SDK2: variants seen among roughly 807,000 people sequenced by gnomAD.
SDK2 encodes protein sidekick-2.
Under a neutral mutation model 253.9 loss-of-function variants are expected in SDK2, and 105 were observed. The ratio of observed to expected loss-of-function variants is 0.41; its 90% CI spans 0.35 to 0.49. The LOEUF (loss-of-function observed/expected upper bound fraction) is 0.49, where lower values mean the gene tolerates loss of function less well. SDK2 is among the 20% of genes least tolerant of loss of function. The probability of loss-of-function intolerance (pLI) is 0.06; values close to 1 mark genes in which losing one functional copy is unlikely to be tolerated. For missense variants in SDK2, 2,608 were observed against 3,003.0 expected, an observed-to-expected ratio of 0.87 and a Z score of 3.07; for synonymous variants, 1,249 against 1,234.9, an observed-to-expected ratio of 1.01 and a Z score of -0.24.
chr17:73,441,029 A>G (rs761106037), intron 5 of SDK2, 106 bp from the exon 6 acceptor site: 12 of 831,378 alleles, frequency 1.4e-5, no homozygotes, highest in Non-Finnish European at 2.3e-5. Context: ...TACCGAGTGG[A>G]GCAGGTGGCC....
chr17:73,380,548 G>C (rs2062821568), intron 34 of SDK2, among the ~76,000 whole-genome samples: 1 of 152,150 alleles, frequency 6.6e-6, no homozygotes, highest in African/African-American at 2.4e-5. Context: ...GGGACTAGAT[G>C]GGGCAGCAAC....
At position 73,596,461 on chromosome 17, in the gene SDK2, A is replaced by T. The variant is rs150412186; in HGVS notation, c.64+47564T>A. ...CATAATGGGTTTGTGTGAATGTACG[A>T]AAACTCCTATCAGTGCATTTTACTT... On this transcript the variant is annotated intron_variant, in intron 1 of 44. Coordinates refer to ENST00000392650, the MANE Select transcript of SDK2 (RefSeq NM_001144952.2). Among the ~76,000 whole-genome samples the T allele has an allele frequency of 3.8e-3, 583 of 152,306 alleles. 7 individuals are homozygous for T. The highest frequency in any genetic ancestry group is 0.022 in the South Asian group (104 of 4,826).
rs57808363 is a variant in SDK2 at position 73,564,833 on chromosome 17, AC to A, written c.65-57237del. 6.6e-3 allele frequency among the ~76,000 whole-genome samples: 658 copies of A among 99,772 alleles called. 5 individuals carry two copies. Among genetic ancestry groups the A allele is most frequent in the African/African-American group, 0.025 (601 of 24,054 alleles). 65.5% of individuals were successfully genotyped at this position (99,772 alleles called of 152,430 possible). A position where few individuals can be genotyped will look rare whatever the true frequency, so the allele number is the denominator to read the frequency against. On this transcript the variant is annotated intron_variant, in intron 1 of 44. Coordinates refer to ENST00000392650, the MANE Select transcript of SDK2 (RefSeq NM_001144952.2). ...GAGAGAGACTCTGTCTGAAAAAAAA[AC>A]AAAAAACAAAAACAAACCCAAAACA...
chr17:73,522,304 G>A lies in SDK2; in HGVS notation c.65-14707C>T, dbSNP rs529992725. On this transcript the variant is annotated intron_variant, in intron 1 of 44. Coordinates refer to ENST00000392650, the MANE Select transcript of SDK2 (RefSeq NM_001144952.2). Reference sequence around the variant, plus strand: ...CCTGCCCCAGGCTGCAGCCACCTCTGCTGCCCACCTCATCCTGGCCTGGCT... The same window carrying A: ...CCTGCCCCAGGCTGCAGCCACCTCTACTGCCCACCTCATCCTGGCCTGGCT... 7.1e-4 allele frequency among the ~76,000 whole-genome samples: 108 copies of A among 152,346 alleles called. 1 individual carries two copies. Among genetic ancestry groups the A allele is most frequent in the South Asian group, 2.5e-3 (12 of 4,828 alleles).
chr17:73,348,964 A>T (rs1193428175), intron 43 of SDK2, among the ~76,000 whole-genome samples: 1 of 152,186 alleles, frequency 6.6e-6, no homozygotes, highest in Admixed American at 6.5e-5. Flanking sequence ...GGGTGAATGT[A>T]GGGGGGATGT....
At chr17:73,613,208 C>G (rs1359835384) in intron 1 of SDK2, among the ~76,000 whole-genome samples, 1 of 152,172 alleles carries the variant, frequency 6.6e-6, no homozygotes, top group Admixed American at 6.5e-5. Context: ...TGAAAAAGAT[C>G]TCCATAATCC....
At chr17:73,367,452 G>GC (rs1450399640) in intron 37 of SDK2, among the ~76,000 whole-genome samples, 1 of 151,142 alleles carries the variant, frequency 6.6e-6, no homozygotes, top group Non-Finnish European at 1.5e-5. Flanking sequence ...TCTGCCTGGA[G>GC]CCCCCAGCAC....
chr17:73,575,803 C>T (rs766479016), intron 1 of SDK2, among the ~76,000 whole-genome samples: 12 of 152,174 alleles, frequency 7.9e-5, no homozygotes, highest in Non-Finnish European at 1.2e-4. Flanking sequence ...AACGCAGCAG[C>T]GCTAGGGCTA....
At chr17:73,402,358 A>C (rs930180909) in intron 18 of SDK2, among the ~76,000 whole-genome samples, 1 of 152,232 alleles carries the variant, frequency 6.6e-6, no homozygotes, top group African/African-American at 2.4e-5. Context: ...GACTTTATGC[A>C]AAGCACCGTG....
At position 73,577,482 on chromosome 17, in the gene SDK2, G is replaced by A. The variant is rs190280112; in HGVS notation, c.64+66543C>T. ...AGTGGGGGAGAGAGGGTCCCCAGCT[G>A]GTGTGGAGAGTGGAGGGCAATAGTT... On this transcript the variant is annotated intron_variant, in intron 1 of 44. Coordinates refer to ENST00000392650, the MANE Select transcript of SDK2 (RefSeq NM_001144952.2). Among the ~76,000 whole-genome samples the A allele has an allele frequency of 2.2e-4, 34 of 152,322 alleles. No individual in the cohort carries two copies. The East Asian group carries it at 6.6e-3, about 29-fold the overall frequency.
At chr17:73,498,402 C>T (rs1014963717) in intron 2 of SDK2, among the ~76,000 whole-genome samples, 17 of 152,258 alleles carry the variant, frequency 1.1e-4, no homozygotes, top group African/African-American at 3.9e-4. Flanking sequence ...GTGAGCACCT[C>T]TAGCTCCAGT....
At chr17:73,389,651 G>A (rs546245888) in intron 29 of SDK2, among the ~76,000 whole-genome samples, 15 of 152,304 alleles carry the variant, frequency 9.8e-5, no homozygotes, top group South Asian at 6.2e-4. Flanking sequence ...AGTGGCAGCC[G>A]GGGCTCCAGG....
rs759490511 is a variant in SDK2, at chr17:73,338,952, G to C, written c.6166-12C>G. On this transcript the variant is annotated splice_polypyrimidine_tract_variant and intron_variant, in intron 44 of 44. Coordinates refer to ENST00000392650, the MANE Select transcript of SDK2 (RefSeq NM_001144952.2). This position sits in a 1 kb window ranked among gnomAD's most constrained non-coding sequence, Gnocchi z 5.0. ...TCGCTGTCACTTCCCTGGGAGGACA[G>C]AGAATCAGGGTGTGTCAGTGGCCCC... The C allele has an allele frequency of 1.9e-6, 3 of 1,611,848 alleles. No homozygotes were observed. The South Asian group carries it at 3.3e-5, about 18-fold the overall frequency.
chr17:73,453,164 G>A (rs1456806197), intron 4 of SDK2, among the ~76,000 whole-genome samples: 1 of 152,116 alleles, frequency 6.6e-6, no homozygotes, highest in African/African-American at 2.4e-5. Flanking sequence ...TTTGGCACAT[G>A]GGATGTTAGC....
chr17:73,612,259 G>A lies in SDK2; in HGVS notation c.64+31766C>T, dbSNP rs1398791162. Among the ~76,000 whole-genome samples, 1 of 148,204 alleles carries A rather than the reference G, an allele frequency of 6.7e-6. No homozygotes were observed. The highest frequency in any genetic ancestry group is 1.5e-5 in the Non-Finnish European group (1 of 66,718). The stretch of plus-strand genomic sequence containing the variant: ...GCCCCCCACGGTCCCCCACCCTCAC[G>A]GGGTCCCTGTGACCCAGCTGCACCT... On this transcript the variant is annotated intron_variant, in intron 1 of 44. Coordinates refer to ENST00000392650, the MANE Select transcript of SDK2 (RefSeq NM_001144952.2). This position sits in a 1 kb window ranked among gnomAD's most constrained non-coding sequence, Gnocchi z 4.4.
At chr17:73,535,393 A>C (rs1371926861) in intron 1 of SDK2, among the ~76,000 whole-genome samples, 4 of 152,168 alleles carry the variant, frequency 2.6e-5, no homozygotes, top group Non-Finnish European at 5.9e-5. Flanking sequence ...TGATGCCTTC[A>C]TCTTAAGCAT....
chr17:73,575,781 A>G (rs1193909293), intron 1 of SDK2, among the ~76,000 whole-genome samples: 1 of 152,254 alleles, frequency 6.6e-6, no homozygotes, highest in Admixed American at 6.5e-5. Flanking sequence ...CAGAGCATAC[A>G]CAGACAACGG....
chr17:73,577,882 G>A (rs1387030862), intron 1 of SDK2, among the ~76,000 whole-genome samples: 3 of 152,186 alleles, frequency 2.0e-5, no homozygotes, highest in Admixed American at 1.3e-4. Context: ...ATTTAAGATA[G>A]GGAGACTATC....
chr17:73,391,383 C>A, intron 28 of SDK2, 57 bp downstream of exon 28: 1 of 1,053,290 alleles, frequency 9.5e-7, no homozygotes, highest in Non-Finnish European at 1.2e-6. Flanking sequence ...GCCTCCTTTG[C>A]AGCTCATGCC....
Sources: gnomAD v4.1 joint callset for allele counts (sites outside exome capture counted in the v4.1 genomes callset) on GRCh38, gnomAD v4.1.1 for gene constraint, Gnocchi (gnomAD v3.1) non-coding constraint, MANE v1.5 for transcripts, NCBI Gene and HGNC (gene_info 2026-07-23, HGNC 2026-07-21) for gene names.